PAH: variants seen among roughly 807,000 people sequenced by gnomAD.
The protein encoded by PAH is phenylalanine-4-hydroxylase.
In PAH, 64 loss-of-function variants were observed where a neutral mutation model predicts 62.0. The observed-to-expected ratio is 1.03, with a 90% CI of 0.84 to 1.27. PAH has a LOEUF of 1.27. Ranked by LOEUF, PAH falls within the 50% of genes most tolerant of loss-of-function variation. The pLI, the probability that PAH is intolerant of heterozygous loss-of-function variation, is 0.00. For synonymous variants in PAH, 195 were observed against 196.2 expected (o/e 0.99, Z 0.05); for missense variants, 579 against 542.8 (o/e 1.07, Z -0.66).
chr12:102,905,196 C>T (rs900142223), intron 2 of PAH, among the ~76,000 whole-genome samples: 7 of 152,130 alleles, frequency 4.6e-5, no homozygotes, highest in African/African-American at 1.7e-4. Flanking sequence ...AGCCTATATT[C>T]CTCCTACTCT....
chr12:102,921,833 A>G (rs1259896102), upstream of PAH, among the ~76,000 whole-genome samples: 1 of 152,192 alleles, frequency 6.6e-6, no homozygotes, highest in African/African-American at 2.4e-5. Flanking sequence ...TCCGCTAGAT[A>G]TATAGATCAA....
At chr12:102,950,451 A>G (rs544850794) in intron 1 of PAH, 1 of 152,304 alleles carries the variant, frequency 6.6e-6, no homozygotes, top group South Asian at 2.1e-4. Flanking sequence ...GGTGGTGGAG[A>G]CAGCTCCAGC....
intron 1 of PAH, among the ~76,000 whole-genome samples, chr12:102,949,910 G>A (rs1879673154): frequency 6.6e-6 from 1 of 152,108 alleles, no homozygotes; most frequent in Admixed American, 6.5e-5. Context: ...TGTATTGAAG[G>A]CACTCATTGT....
chr12:102,930,049 C>T (rs887082364), intron 1 of PAH, among the ~76,000 whole-genome samples: 2 of 152,162 alleles, frequency 1.3e-5, no homozygotes, highest in Non-Finnish European at 2.9e-5. Context: ...TTGTATTTTA[C>T]ATTTTGATTT....
intron 5 of PAH, among the ~76,000 whole-genome samples, chr12:102,856,619 C>T (rs1875446625): frequency 6.6e-6 from 1 of 152,182 alleles, no homozygotes; most frequent in Non-Finnish European, 1.5e-5. Context: ...CGGCCGGGTA[C>T]CCCTCTGAGA....
At chr12:102,907,609 CT>C (rs371746459) in intron 2 of PAH, among the ~76,000 whole-genome samples, 134 of 144,792 alleles carry the variant, frequency 9.3e-4, no homozygotes, top group South Asian at 2.0e-3. Flanking sequence ...CTTTTCTTTT[CT>C]TTTTTTTTTT....
chr12:102,910,746 C>A (rs1012607206), intron 2 of PAH, among the ~76,000 whole-genome samples: 2 of 152,144 alleles, frequency 1.3e-5, no homozygotes, highest in African/African-American at 4.8e-5. Context: ...GGAGACTCAG[C>A]TCATGTGTAA....
chr12:102,887,366 G>A (rs1480605111), intron 3 of PAH, among the ~76,000 whole-genome samples: 3 of 152,000 alleles, frequency 2.0e-5, no homozygotes, highest in Admixed American at 6.6e-5. Flanking sequence ...AAAATATTTG[G>A]AAATGAGAGA....
chr12:102,840,599 CT>C, intron 11 of PAH, 84 bp from the exon 12 acceptor site: 1 of 948,166 alleles, frequency 1.1e-6, no homozygotes, highest in East Asian at 2.4e-5. Context: ...CATTTTACTT[CT>C]TTTTTAGGAA....
chr12:102,917,308 G>A (rs1250805809), upstream of PAH: 1 of 660,096 alleles, frequency 1.5e-6, no homozygotes, highest in Non-Finnish European at 2.7e-6. Context: ...GCGTTGTCCT[G>A]ACGCAGGAGG....
intron 2 of PAH, among the ~76,000 whole-genome samples, chr12:102,897,532 C>T (rs923040099): frequency 1.4e-5 from 2 of 148,100 alleles, no homozygotes; most frequent in African/African-American, 5.0e-5. Flanking sequence ...TCTTAAACAC[C>T]TCAGTGAAAA....
Position 102,840,481 on chromosome 12 carries a change from C to T in PAH, c.1234G>A (p.Val412Ile), listed in dbSNP as rs899129158. The change falls in exon 12 of 13, where the codon GTT becomes ATT. Residue 412 changes from valine to isoleucine, a missense_variant. Coordinates refer to ENST00000553106, the MANE Select transcript of PAH (RefSeq NM_000277.3). ...FAATIPRPFSVRYDPYTQRIE... is the reference protein window; with the variant it reads ...FAATIPRPFSIRYDPYTQRIE... ...CTTTGGGTGTATGGGTCGTAGCGAA[C>T]TGAGAAGGGCCGAGGTATTGTGGCA... The T allele has an allele frequency of 1.9e-6, 3 of 1,613,908 alleles. No homozygotes were observed. The highest frequency in any genetic ancestry group is 1.7e-4 in the Middle Eastern group (1 of 6,060).
chr12:102,907,767 C>T (rs1386644989), intron 2 of PAH, among the ~76,000 whole-genome samples: 1 of 151,982 alleles, frequency 6.6e-6, no homozygotes, highest in Non-Finnish European at 1.5e-5. Context: ...TACAAGTATG[C>T]GCCATCACGC....
chr12:102,905,075 T>C (rs1877922110), intron 2 of PAH, among the ~76,000 whole-genome samples: 1 of 152,238 alleles, frequency 6.6e-6, no homozygotes, highest in South Asian at 2.1e-4. Context: ...GTGAAAGGGG[T>C]AAAGGAATAA....
chr12:102,839,590 T>C (rs1370137419), intron 12 of PAH, among the ~76,000 whole-genome samples: 2 of 152,260 alleles, frequency 1.3e-5, no homozygotes, highest in Non-Finnish European at 2.9e-5. Flanking sequence ...CAGAATCACC[T>C]GAGGTCTATA....
intron 5 of PAH, among the ~76,000 whole-genome samples, chr12:102,859,497 C>G (rs200377336): frequency 6.6e-6 from 1 of 152,012 alleles, no homozygotes; most frequent in African/African-American, 2.4e-5. Flanking sequence ...ATCCTGATAC[C>G]AAAGCCTGGC....
intron 3 of PAH, among the ~76,000 whole-genome samples, chr12:102,880,721 A>C (rs1386916488): frequency 6.6e-6 from 1 of 152,138 alleles, no homozygotes; most frequent in Non-Finnish European, 1.5e-5. Flanking sequence ...TCACCATCCT[A>C]GTGGTGCTTA....
chr12:102,951,257 G>A (rs1879750527), upstream of PAH, among the ~76,000 whole-genome samples: 1 of 152,148 alleles, frequency 6.6e-6, no homozygotes, highest in African/African-American at 2.4e-5. Flanking sequence ...GCTGGGCACC[G>A]CACGGGGGCC....
At chr12:102,842,591 T>C (rs1874638732) in intron 11 of PAH, among the ~76,000 whole-genome samples, 1 of 152,120 alleles carries the variant, frequency 6.6e-6, no homozygotes, top group Non-Finnish European at 1.5e-5. Flanking sequence ...AAAAGGATAA[T>C]TTTTACCTTT....
Sources: allele counts gnomAD v4.1 joint callset (sites outside exome capture counted in the v4.1 genomes callset), GRCh38; gene constraint gnomAD v4.1.1; transcripts MANE v1.5; gene names NCBI Gene and HGNC (gene_info 2026-07-23, HGNC 2026-07-21).